Variants in ADGRL2 observed in about 807,000 individuals in gnomAD.
ADGRL2 encodes calcium-independent alpha-latrotoxin receptor 2.
In ADGRL2, 44 loss-of-function variants were observed where a neutral mutation model predicts 157.4. The ratio of observed to expected loss-of-function variants is 0.28; its 90% confidence interval spans 0.22 to 0.36. ADGRL2 has a LOEUF of 0.36. ADGRL2 is among the 10% of genes least tolerant of loss of function. The pLI, the probability that ADGRL2 is intolerant of heterozygous loss-of-function variation, is 1.00. For missense variants in ADGRL2, 1,510 were observed against 1,768.9 expected (o/e 0.85, Z 2.63); for synonymous variants, 585 against 624.7 (o/e 0.94, Z 0.95).
intron 1 of ADGRL2, among the ~76,000 whole-genome samples, chr1:81,712,575 C>G (rs1340073793): frequency 2.6e-5 from 4 of 151,926 alleles, no homozygotes; most frequent in African/African-American, 9.7e-5. Flanking sequence ...CCAAAGGTTA[C>G]AAAAGCACAC....
chr1:81,854,559 A>C (rs997149765), intron 2 of ADGRL2, among the ~76,000 whole-genome samples: 9 of 152,162 alleles, frequency 5.9e-5, no homozygotes, highest in African/African-American at 2.2e-4. Flanking sequence ...TTAGAAATGA[A>C]ATGTTTAAAC....
chr1:81,734,611 A>G (rs1231292335), intron 1 of ADGRL2, among the ~76,000 whole-genome samples: 3 of 147,548 alleles, frequency 2.0e-5, no homozygotes, highest in African/African-American at 5.0e-5. Context: ...CAGGAAACGA[A>G]TACAGTTATT....
chr1:81,692,269 C>T (rs887612505), intron 3 of ADGRL2, among the ~76,000 whole-genome samples: 1 of 151,712 alleles, frequency 6.6e-6, no homozygotes, highest in Admixed American at 6.6e-5. Context: ...TAGCTGCACT[C>T]CAGCCTGGGC....
chr1:81,858,146 C>T (rs2093269809), intron 2 of ADGRL2, among the ~76,000 whole-genome samples: 1 of 152,022 alleles, frequency 6.6e-6, no homozygotes, highest in Admixed American at 6.6e-5. Flanking sequence ...GAGGTATAAG[C>T]AGTTAGTTCT....
rs1664588799 is a variant in ADGRL2 at position 81,991,473 on chromosome 1, G to A, written c.*328G>A. The A allele has an allele frequency of 5.1e-6, 1 of 196,822 alleles. No homozygotes were observed. Among genetic ancestry groups the A allele is most frequent in the Non-Finnish European group, 1.1e-5 (1 of 94,162 alleles). The allele number at this position is 196,822 out of a possible 1,614,324, so 12.2% of individuals were successfully genotyped here. ...CAGCCATTTTACTGCAGCAGTCTGT[G>A]AACTAAATTTGTAAATATGGCTGCA... On this transcript the variant is annotated 3_prime_UTR_variant, in exon 24 of 24. Transcript: ENST00000686636.
intron 1 of ADGRL2, among the ~76,000 whole-genome samples, chr1:81,811,321 G>T (rs2149667952): frequency 6.6e-6 from 1 of 151,594 alleles, no homozygotes; most frequent in South Asian, 2.1e-4. Context: ...CTTCTTATAA[G>T]CCTGTCAGTT....
At chr1:81,309,952 A>C (rs2100541117) in intron 1 of ADGRL2, among the ~76,000 whole-genome samples, 1 of 152,236 alleles carries the variant, frequency 6.6e-6, no homozygotes, top group East Asian at 1.9e-4. Flanking sequence ...ATAACAATTA[A>C]AATTTTGATG....
chr1:81,348,978 A>G (rs182162795), intron 1 of ADGRL2, among the ~76,000 whole-genome samples: 28 of 152,320 alleles, frequency 1.8e-4, no homozygotes, highest in African/African-American at 4.8e-4. Context: ...TGCTGCACCA[A>G]TGGAAGTAAT....
At chr1:81,949,459 T>A (rs1273829781) in intron 6 of ADGRL2, among the ~76,000 whole-genome samples, 1 of 152,232 alleles carries the variant, frequency 6.6e-6, no homozygotes, top group Non-Finnish European at 1.5e-5. Context: ...GTGACTAAGA[T>A]ATGAAGGGTT....
intron 17 of ADGRL2, among the ~76,000 whole-genome samples, chr1:81,978,288 ATCATATTG>A (rs1660741636): frequency 6.6e-6 from 1 of 151,774 alleles, no homozygotes; most frequent in African/African-American, 2.4e-5. Context: ...AATGAAATGT[ATCATATTG>A]TAACATCTCC....
intron 1 of ADGRL2, among the ~76,000 whole-genome samples, chr1:81,350,194 G>A (rs1227070406): frequency 1.3e-5 from 2 of 152,130 alleles, no homozygotes; most frequent in African/African-American, 2.4e-5. Context: ...TAAATAACTA[G>A]CTTTGAGTTC....
rs80327519 is a variant in ADGRL2 at position 81,356,971 on chromosome 1, A to AAAAAAAAGAAG, written c.-302+50464_-302+50465insAAAAAGAAGAA. On this transcript the variant is annotated intron_variant, in intron 1 of 24. Coordinates refer to the ADGRL2 transcript ENST00000370721. ...CCGTCTCAAAAAAAAAAAAAAAAAA[A>AAAAAAAAGAAG]AAGAAGTTGTTTCCTTTTAAAGCTC... Among the ~76,000 whole-genome samples the AAAAAAAAGAAG allele has an allele frequency of 5.8e-3, 571 of 99,242 alleles. 17 individuals are homozygous for AAAAAAAAGAAG. The highest frequency in any genetic ancestry group is 0.017 in the African/African-American group (514 of 31,106). The allele number at this position is 99,242 out of a possible 152,430, so 65.1% of individuals were successfully genotyped here. A position where few individuals can be genotyped will look rare whatever the true frequency, so the allele number is the denominator to read the frequency against.
At chr1:81,383,332 C>T (rs1232976058) in intron 1 of ADGRL2, among the ~76,000 whole-genome samples, 1 of 152,036 alleles carries the variant, frequency 6.6e-6, no homozygotes, top group Non-Finnish European at 1.5e-5. Context: ...TTAGCACTCA[C>T]ATTGATAGAT....
At chr1:81,612,606 T>G (rs2081565167) in intron 3 of ADGRL2, among the ~76,000 whole-genome samples, 1 of 152,082 alleles carries the variant, frequency 6.6e-6, no homozygotes. Flanking sequence ...TGAGGTGGAA[T>G]TTGTTGGCAA....
chr1:81,531,453 TAG>T, intron 2 of ADGRL2, among the ~76,000 whole-genome samples: 1 of 152,348 alleles, frequency 6.6e-6, no homozygotes, highest in East Asian at 1.9e-4. Flanking sequence ...ATCTAGAAAC[TAG>T]CCACATGCTT....
intron 3 of ADGRL2, among the ~76,000 whole-genome samples, chr1:81,662,935 T>TGAAAA (rs1461135223): frequency 2.0e-5 from 3 of 152,106 alleles, no homozygotes; most frequent in Admixed American, 2.0e-4. Context: ...TTTCAAGTAA[T>TGAAAA]GGTGGTGTTG....
chr1:81,844,903 A>G (rs757275119), intron 2 of ADGRL2, among the ~76,000 whole-genome samples: 6 of 152,024 alleles, frequency 3.9e-5, no homozygotes, highest in Non-Finnish European at 8.8e-5. Flanking sequence ...TTTTTCTTAA[A>G]AGTGTTTTTT....
intron 3 of ADGRL2, among the ~76,000 whole-genome samples, chr1:81,656,241 C>T (rs1188561791): frequency 6.6e-6 from 1 of 152,278 alleles, no homozygotes; most frequent in South Asian, 2.1e-4. Context: ...TTAACATACC[C>T]TGTCTCAAAT....
intron 3 of ADGRL2, among the ~76,000 whole-genome samples, chr1:81,681,739 C>T (rs1394992620): frequency 1.3e-5 from 2 of 152,110 alleles, no homozygotes; most frequent in Non-Finnish European, 2.9e-5. Flanking sequence ...TGCATAGCAC[C>T]GCAACAGCAG....
Sources: allele counts gnomAD v4.1 joint callset (sites outside exome capture counted in the v4.1 genomes callset), GRCh38; gene constraint gnomAD v4.1.1; transcripts MANE v1.5; gene names NCBI Gene and HGNC (gene_info 2026-07-23, HGNC 2026-07-21).